The following GRM1 variants were observed in gnomAD, a reference collection of about 807,000 sequenced individuals.
The protein encoded by GRM1 is metabotropic glutamate receptor 1.
In GRM1, 33 loss-of-function variants were observed where a neutral mutation model predicts 90.9. The observed-to-expected ratio is 0.36, with a 90% CI of 0.28 to 0.49. The LOEUF (loss-of-function observed/expected upper bound fraction) is 0.49. Ranked by LOEUF, GRM1 falls within the 20% of genes least tolerant of loss-of-function variation. The probability of loss-of-function intolerance (pLI) is 0.99; values close to 1 mark genes in which losing one functional copy is unlikely to be tolerated. For missense variants in GRM1, 1,190 were observed against 1,534.3 expected, an observed-to-expected ratio of 0.78 and a Z score of 3.75; for synonymous variants, 700 against 613.2, an observed-to-expected ratio of 1.14 and a Z score of -2.09.
chr6:146,267,636 GGCTGC>G (rs1190253713), intron 2 of GRM1, among the ~76,000 whole-genome samples: 144 of 127,158 alleles, frequency 1.1e-3, no homozygotes, highest in African/African-American at 5.2e-3. Context: ...GGCTGGGCTG[GGCTGC>G]GCTGGGCTGG....
intron 7 of GRM1, among the ~76,000 whole-genome samples, chr6:146,414,665 G>C (rs955255287): frequency 4.6e-5 from 7 of 152,202 alleles, no homozygotes; most frequent in Admixed American, 4.6e-4. Flanking sequence ...GCCTCCCGAA[G>C]TGCTGGCATT....
chr6:146,094,615 T>C (rs970974211), intron 1 of GRM1, among the ~76,000 whole-genome samples: 2 of 152,152 alleles, frequency 1.3e-5, no homozygotes, highest in Non-Finnish European at 2.9e-5. Context: ...TCATTGTTAA[T>C]GGTATGATGA....
intron 7 of GRM1, among the ~76,000 whole-genome samples, chr6:146,414,777 G>A (rs1777713149): frequency 6.6e-6 from 1 of 152,126 alleles, no homozygotes; most frequent in African/African-American, 2.4e-5. Context: ...TTTTTTCTCA[G>A]TCTTTGACTT....
chr6:146,212,666 A>G (rs1779720241), intron 2 of GRM1, among the ~76,000 whole-genome samples: 1 of 152,216 alleles, frequency 6.6e-6, no homozygotes, highest in African/African-American at 2.4e-5. Context: ...TTAAAAATGT[A>G]TAAAATAATG....
intron 1 of GRM1, among the ~76,000 whole-genome samples, chr6:146,107,471 AGGC>A (rs1775356303): frequency 6.6e-6 from 1 of 152,092 alleles, no homozygotes; most frequent in Admixed American, 6.6e-5. Flanking sequence ...GGCTTCCTGC[AGGC>A]AATTGCAGCT....
intron 2 of GRM1, among the ~76,000 whole-genome samples, chr6:146,210,129 T>G (rs188708945): frequency 6.6e-6 from 1 of 152,258 alleles, no homozygotes; most frequent in East Asian, 1.9e-4. Context: ...ACTCTTAGAA[T>G]TTTTCAGTGA....
chr6:146,065,984 A>C (rs186976628), intron 1 of GRM1, among the ~76,000 whole-genome samples: 55 of 151,886 alleles, frequency 3.6e-4, no homozygotes, highest in African/African-American at 1.3e-3. Flanking sequence ...TCAGAATTTG[A>C]AATTGAATGA....
At chr6:146,420,451 C>T (rs1047213120) in intron 7 of GRM1, among the ~76,000 whole-genome samples, 9 of 152,180 alleles carry the variant, frequency 5.9e-5, no homozygotes, top group Non-Finnish European at 2.9e-5. Context: ...TGATTTTTAT[C>T]AAAATGACTG....
In GRM1 at chr6:146,325,176, GTCT is replaced by G. The variant is rs567508699; in HGVS notation, c.1186+20337_1186+20339del. 2.4e-3 allele frequency among the ~76,000 whole-genome samples: 363 copies of G among 152,270 alleles called. 3 individuals carry two copies. Among genetic ancestry groups the G allele is most frequent in the African/African-American group, 8.0e-3 (331 of 41,560 alleles). On this transcript the variant is annotated intron_variant, in intron 3 of 7. Transcript: ENST00000282753. ...TGAGTTTCATGTTTCCACTAGTGAA[GTCT>G]TCTTCTCTGTTTAAAGGTTTTGAGT...
intron 2 of GRM1, among the ~76,000 whole-genome samples, chr6:146,250,962 C>G (rs1781247666): frequency 1.3e-5 from 2 of 152,202 alleles, no homozygotes; most frequent in African/African-American, 4.8e-5. Flanking sequence ...TTTAGCAAGA[C>G]AAATGTCTTA....
At chr6:146,406,431 G>A (rs988312638) in intron 7 of GRM1, among the ~76,000 whole-genome samples, 1 of 152,166 alleles carries the variant, frequency 6.6e-6, no homozygotes, top group Non-Finnish European at 1.5e-5. Context: ...AGTAAGATTT[G>A]AGAAGGGACA....
intron 1 of GRM1, among the ~76,000 whole-genome samples, chr6:146,133,736 T>C (rs1297203592): frequency 6.6e-6 from 1 of 152,202 alleles, no homozygotes; most frequent in Admixed American, 6.5e-5. Flanking sequence ...TTTTGTGCAA[T>C]CCTGTGCTTT....
chr6:146,133,735 A>G (rs1776498741), intron 1 of GRM1, among the ~76,000 whole-genome samples: 1 of 152,154 alleles, frequency 6.6e-6, no homozygotes, highest in Non-Finnish European at 1.5e-5. Context: ...CTTTTGTGCA[A>G]TCCTGTGCTT....
chr6:146,150,932 G>T lies in GRM1; in HGVS notation c.701-8416G>T, dbSNP rs545267551. On this transcript the variant is annotated intron_variant, in intron 1 of 7. Coordinates refer to ENST00000282753, the MANE Select transcript of GRM1 (RefSeq NM_001278064.2). Reference sequence around the variant, plus strand: ...TTCCTGTATAAACACACACACGCGTGTGCGCGCACACACACACACACACAC... The same window carrying T: ...TTCCTGTATAAACACACACACGCGTTTGCGCGCACACACACACACACACAC... Among the ~76,000 whole-genome samples, 83 of 32,764 alleles carry T rather than the reference G, an allele frequency of 2.5e-3. 2 individuals are homozygous for T. The South Asian group carries it at 0.087, about 34-fold the overall frequency. The allele number at this position is 32,764 out of a possible 152,430, so 21.5% of individuals were successfully genotyped here.
chr6:146,115,270 T>C (rs574382669), intron 1 of GRM1, among the ~76,000 whole-genome samples: 50 of 151,960 alleles, frequency 3.3e-4, no homozygotes, highest in African/African-American at 1.1e-3. Flanking sequence ...ATACTATACA[T>C]GTACTATATA....
intron 2 of GRM1, among the ~76,000 whole-genome samples, chr6:146,300,829 A>G (rs1783351576): frequency 1.3e-5 from 2 of 152,168 alleles, no homozygotes; most frequent in African/African-American, 2.4e-5. Flanking sequence ...TGCCACCACC[A>G]TCTAAGAAAG....
At chr6:146,340,555 GT>G (rs34284341) in intron 3 of GRM1, 3 of 151,334 alleles carry the variant, frequency 2.0e-5, no homozygotes, top group Non-Finnish European at 4.4e-5. Flanking sequence ...TTTGTTTTTT[GT>G]TTTTTTTGAG....
intron 5 of GRM1, among the ~76,000 whole-genome samples, chr6:146,363,426 A>T (rs1354771314): frequency 6.6e-6 from 1 of 152,200 alleles, no homozygotes; most frequent in Admixed American, 6.5e-5. Context: ...TTACTGGGTA[A>T]AAGATGCTGT....
chr6:146,407,571 A>G (rs1260204332), intron 7 of GRM1, among the ~76,000 whole-genome samples: 1 of 152,176 alleles, frequency 6.6e-6, no homozygotes, highest in African/African-American at 2.4e-5. Flanking sequence ...TCATATGTTA[A>G]TGTGTAGTTT....
Sources: gnomAD v4.1 joint callset for allele counts (sites outside exome capture counted in the v4.1 genomes callset) on GRCh38, gnomAD v4.1.1 for gene constraint, MANE v1.5 for transcripts, NCBI Gene and HGNC (gene_info 2026-07-23, HGNC 2026-07-21) for gene names.